Variants in ADAT1 observed in about 807,000 individuals in gnomAD.
The protein encoded by ADAT1 is adenosine deaminase tRNA specific 1.
A neutral mutation model predicts 58.6 loss-of-function variants in ADAT1; 58 were observed. That is an observed-to-expected ratio of 0.99 (90% CI 0.80 to 1.23). The LOEUF (loss-of-function observed/expected upper bound fraction) is 1.23, where lower values mean the gene tolerates loss of function less well. ADAT1 is among the 50% of genes most tolerant of loss of function. The probability of loss-of-function intolerance (pLI) is 0.00; values close to 1 mark genes in which losing one functional copy is unlikely to be tolerated. For synonymous variants in ADAT1, 254 were observed against 220.8 expected (o/e 1.15, Z -1.33); for missense variants, 741 against 608.6 (o/e 1.22, Z -2.29).
chr16:75,612,933 T>G, intron 5 of ADAT1, 72 bp from the exon 6 acceptor site: 39 of 1,518,330 alleles, frequency 2.6e-5, no homozygotes, highest in Non-Finnish European at 3.2e-5. Context: ...ATGGGATCTC[T>G]TGGGAATTCA....
At chr16:75,610,748 T>A (rs1260480597) in intron 6 of ADAT1, among the ~76,000 whole-genome samples, 1 of 152,216 alleles carries the variant, frequency 6.6e-6, no homozygotes, top group South Asian at 2.1e-4. Flanking sequence ...AGCACTGAGT[T>A]TGGCTGCCTC....
chr16:75,608,103 T>C (rs2151755521), intron 8 of ADAT1, 121 bp downstream of exon 8: 2 of 751,842 alleles, frequency 2.7e-6, no homozygotes, highest in Non-Finnish European at 4.6e-6. Flanking sequence ...GAGGGAGGGA[T>C]AGGTAGTGAC....
At chr16:75,621,800 A>G (rs967527638) in intron 1 of ADAT1, among the ~76,000 whole-genome samples, 20 of 152,082 alleles carry the variant, frequency 1.3e-4, no homozygotes, top group Non-Finnish European at 2.8e-4. Flanking sequence ...GGCCCTATCA[A>G]TGCTCACTAG....
At chr16:75,619,453 C>T (rs377537501) in intron 3 of ADAT1, among the ~76,000 whole-genome samples, 1 of 151,922 alleles carries the variant, frequency 6.6e-6, no homozygotes, top group East Asian at 1.9e-4. Flanking sequence ...GGGAGGATCA[C>T]TTGAGCCCAG....
chr16:75,616,259 C>T (rs1486087116), intron 5 of ADAT1, among the ~76,000 whole-genome samples: 4 of 152,156 alleles, frequency 2.6e-5, no homozygotes, highest in East Asian at 3.9e-4. Flanking sequence ...CTGCCCGCCT[C>T]GGACTCCCAA....
At position 75,608,889 on chromosome 16, in the gene ADAT1, C is replaced by T; in HGVS notation, c.1143G>A (p.Gln381=). 2 of 1,613,202 alleles carry T rather than the reference C, an allele frequency of 1.2e-6. No homozygotes were observed. The highest frequency in any genetic ancestry group is 1.7e-6 in the Non-Finnish European group (2 of 1,179,778). Residue 381 remains glutamine, a synonymous_variant, in exon 7 of 10, where the codon CAG becomes CAA. Coordinates refer to ENST00000564657, the MANE Select transcript of ADAT1 (RefSeq NM_001324445.2). ...GACCTGGGCTATCAGCCCTTTTTGC[C>T]TGCACCGCACTGCGGCTCTGTTCAA... ...LLFEQSRSAV[Q]AKRADSPGRL...
intron 8 of ADAT1, among the ~76,000 whole-genome samples, chr16:75,605,370 T>A (rs954013911): frequency 4.6e-5 from 7 of 152,312 alleles, no homozygotes; most frequent in African/African-American, 1.7e-4. Context: ...ATTACAGACG[T>A]GAGCCACAGC....
At chr16:75,608,355 T>C (rs781712104) in intron 7 of ADAT1, 32 bp from the exon 8 acceptor site, 7 of 1,547,988 alleles carry the variant, frequency 4.5e-6, no homozygotes, top group Middle Eastern at 1.7e-4. Flanking sequence ...GGGTTAAAAC[T>C]GCTCAATTTC....
Position 75,597,560 on chromosome 16 carries a change from G to C in ADAT1, c.*2656C>G, listed in dbSNP as rs2081104396. On this transcript the variant is annotated 3_prime_UTR_variant, in exon 10 of 10. Transcript: ENST00000564657. ...ATAGGGGGATAGTTTCGGGATGACTGAAGTGAATTACATTTACTGTGCACT... is the reference window on the plus strand; with the variant it reads ...ATAGGGGGATAGTTTCGGGATGACTCAAGTGAATTACATTTACTGTGCACT... Among the ~76,000 whole-genome samples the C allele has an allele frequency of 6.6e-6, 1 of 152,316 alleles. No homozygotes were observed. Among genetic ancestry groups the C allele is most frequent in the Middle Eastern group, 3.4e-3 (1 of 294 alleles).
At chr16:75,622,075 G>A (rs1422123576) in intron 1 of ADAT1, among the ~76,000 whole-genome samples, 5 of 152,176 alleles carry the variant, frequency 3.3e-5, no homozygotes, top group African/African-American at 4.8e-5. Context: ...GCTTGAACCC[G>A]GGAGGCGGAG....
Sources: allele counts gnomAD v4.1 joint callset (sites outside exome capture counted in the v4.1 genomes callset), GRCh38; gene constraint gnomAD v4.1.1; transcripts MANE v1.5; gene names NCBI Gene and HGNC (gene_info 2026-07-23, HGNC 2026-07-21).